Variants in TMX4 observed in about 807,000 individuals in gnomAD.
The protein encoded by TMX4 is thioredoxin-related transmembrane protein 4.
A neutral mutation model predicts 33.3 loss-of-function variants in TMX4; 23 were observed. The ratio of observed to expected loss-of-function variants is 0.69; its 90% CI spans 0.50 to 0.98. TMX4 has a LOEUF of 0.98. Ranked by LOEUF, TMX4 falls within the 50% of genes least tolerant of loss-of-function variation. TMX4 has a pLI of 0.00. For missense variants in TMX4, 399 were observed against 448.9 expected, an observed-to-expected ratio of 0.89 and a Z score of 1.01; for synonymous variants, 164 against 161.5, an observed-to-expected ratio of 1.02 and a Z score of -0.12.
chr20:8,011,497 G>A (rs750079344), intron 1 of TMX4, among the ~76,000 whole-genome samples: 1 of 151,612 alleles, frequency 6.6e-6, no homozygotes, highest in Non-Finnish European at 1.5e-5. Flanking sequence ...TCAATGCAAT[G>A]ACACATATAA....
intron 4 of TMX4, among the ~76,000 whole-genome samples, chr20:7,998,994 A>G (rs2050689939): frequency 6.6e-6 from 1 of 152,222 alleles, no homozygotes; most frequent in Non-Finnish European, 1.5e-5. Context: ...TGGCTAAATC[A>G]GTGCTCAAAT....
rs565342628 is a variant in TMX4, at chr20:7,980,419, G to C, written c.*1832C>G. ...GCAGGCCCCGCTCTGCTCTGATCGA[G>C]AAAAGCTTCCTGATGTCAGGGAGAT... is the stretch of plus-strand genomic sequence containing the variant. On this transcript the variant is annotated 3_prime_UTR_variant, in exon 8 of 8. Coordinates refer to ENST00000246024, the MANE Select transcript of TMX4 (RefSeq NM_021156.4). 7 of 152,324 alleles carry C rather than the reference G, an allele frequency of 4.6e-5. No homozygotes were observed. In the East Asian group the frequency reaches 1.4e-3, roughly 29 times the overall value. 9.4% of individuals were successfully genotyped at this position (152,324 alleles called of 1,614,324 possible).
Position 8,010,334 on chromosome 20 carries a change from A to C in TMX4, c.177-19T>G. The C allele has an allele frequency of 6.6e-7, 1 of 1,518,000 alleles. No homozygotes were observed. Among genetic ancestry groups the C allele is most frequent in the South Asian group, 1.2e-5 (1 of 82,578 alleles). The allele number at this position is 1,518,000 out of a possible 1,614,324, so 94.0% of individuals were successfully genotyped here. A position where few individuals can be genotyped will look rare whatever the true frequency, so the allele number is the denominator to read the frequency against. On this transcript the variant is annotated intron_variant, in intron 1 of 7. Coordinates refer to ENST00000246024, the MANE Select transcript of TMX4 (RefSeq NM_021156.4). ...GGCGTAACTATAAGAGAAGAATAAG[A>C]ATTATATTGATAAATATACAGAAGA...
At position 7,980,849 on chromosome 20, in the gene TMX4, T is replaced by C. The variant is rs2072050785; in HGVS notation, c.*1402A>G. The stretch of plus-strand genomic sequence containing the variant: ...CTCACAATTAATACAAGGAAAGGGT[T>C]ATCTAAACAGCCAGATAGAAATATA... On this transcript the variant is annotated 3_prime_UTR_variant, in exon 8 of 8. Coordinates refer to ENST00000246024, the MANE Select transcript of TMX4 (RefSeq NM_021156.4). 1 of 152,232 alleles carries C rather than the reference T, an allele frequency of 6.6e-6. No individual in the cohort carries two copies. Among genetic ancestry groups the C allele is most frequent in the African/African-American group, 2.4e-5 (1 of 41,464 alleles). 9.4% of individuals were successfully genotyped at this position (152,232 alleles called of 1,614,324 possible). A position where few individuals can be genotyped will look rare whatever the true frequency, so the allele number is the denominator to read the frequency against.
At chr20:8,006,953 G>C (rs934683944) in intron 2 of TMX4, among the ~76,000 whole-genome samples, 6 of 152,052 alleles carry the variant, frequency 3.9e-5, no homozygotes, top group Non-Finnish European at 7.4e-5. Context: ...TTTTAGTAGA[G>C]AAAAGGTTTC....
chr20:7,989,198 A>C (rs1341686907), intron 5 of TMX4, among the ~76,000 whole-genome samples: 1 of 152,162 alleles, frequency 6.6e-6, no homozygotes, highest in East Asian at 1.9e-4. Flanking sequence ...CGGAGGACTC[A>C]GTATCATCAA....
At position 8,019,478 on chromosome 20, in the gene TMX4, T is replaced by C; in HGVS notation, c.136A>G (p.Asn46Asp). 2 of 1,516,986 alleles carry C rather than the reference T, an allele frequency of 1.3e-6. No homozygotes were observed. The highest frequency in any genetic ancestry group is 2.5e-5 in the South Asian group (2 of 81,562). The allele number at this position is 1,516,986 out of a possible 1,614,324, so 94.0% of individuals were successfully genotyped here. A position where few individuals can be genotyped will look rare whatever the true frequency, so the allele number is the denominator to read the frequency against. Residue 46 changes from asparagine (N) to aspartate (D), a missense_variant, in exon 1 of 8, where the codon AAC (asparagine) becomes GAC (aspartate). Coordinates refer to ENST00000246024, the MANE Select transcript of TMX4 (RefSeq NM_021156.4). Reference sequence around the variant, plus strand: ...TCGCCCTCCATCACCAGCGTCCAGTTGGAGGCGGTCATGGGCTGGACCCGG... The same window carrying C: ...TCGCCCTCCATCACCAGCGTCCAGTCGGAGGCGGTCATGGGCTGGACCCGG... ...QSRVQPMTAS[N>D]WTLVMEGEWM...
At chr20:7,983,363 A>T (rs983451666) in intron 7 of TMX4, among the ~76,000 whole-genome samples, 8 of 152,240 alleles carry the variant, frequency 5.3e-5, no homozygotes, top group African/African-American at 1.9e-4. Flanking sequence ...TCTCAAAAAT[A>T]GTCTGGAATA....
chr20:7,997,545 C>G (rs1263192183), intron 4 of TMX4, among the ~76,000 whole-genome samples: 1 of 151,878 alleles, frequency 6.6e-6, no homozygotes, highest in Non-Finnish European at 1.5e-5. Context: ...ACTACAGACA[C>G]CCTTTCCCCT....
At position 7,996,183 on chromosome 20, in the gene TMX4, C is replaced by T. The variant is rs1422128188; in HGVS notation, c.468-112G>A. On this transcript the variant is annotated intron_variant, in intron 4 of 7. Coordinates refer to ENST00000246024, the MANE Select transcript of TMX4 (RefSeq NM_021156.4). Reference sequence around the variant, plus strand: ...CCTCCACTTCTTGCTAAATATTGCCCCCTCTCCCAGATTCATATCTGTTCT... The same window carrying T: ...CCTCCACTTCTTGCTAAATATTGCCTCCTCTCCCAGATTCATATCTGTTCT... 7.9e-6 allele frequency: 6 copies of T among 763,784 alleles called. No homozygotes were observed. In the African/African-American group the frequency reaches 1.1e-4, roughly 14 times the overall value. 47.3% of individuals were successfully genotyped at this position (763,784 alleles called of 1,614,324 possible).
Position 7,978,092 on chromosome 20 carries a change from T to C in TMX4, c.*4159A>G, listed in dbSNP as rs1232559084. The C allele has an allele frequency of 6.6e-6, 1 of 152,218 alleles. No individual in the cohort carries two copies. The highest frequency in any genetic ancestry group is 6.5e-5 in the Admixed American group (1 of 15,272). 9.4% of individuals were successfully genotyped at this position (152,218 alleles called of 1,614,324 possible). A position where few individuals can be genotyped will look rare whatever the true frequency, so the allele number is the denominator to read the frequency against. On this transcript the variant is annotated 3_prime_UTR_variant, in exon 8 of 8. Coordinates refer to ENST00000246024, the MANE Select transcript of TMX4 (RefSeq NM_021156.4). ...ACAAGAAGGAACTTTTCTGTTGGCATAAGAGATTTGAATGAATTCTTTCGA... is the reference window on the plus strand; with the variant it reads ...ACAAGAAGGAACTTTTCTGTTGGCACAAGAGATTTGAATGAATTCTTTCGA...
intron 7 of TMX4, among the ~76,000 whole-genome samples, chr20:7,982,982 T>A (rs1224164303): frequency 1.3e-5 from 2 of 152,214 alleles, no homozygotes; most frequent in East Asian, 3.9e-4. Flanking sequence ...ACAGAGGTTC[T>A]GGGCCAGAGT....
rs1568541306 is a variant in TMX4 at position 8,018,513 on chromosome 20, A to T, written c.176+925T>A. ...GAGAGAGAGAGAGAGAGAGAGAGAGAGAGAGAGAGAGAGAGTCTGCAAGCC... is the reference window on the plus strand; with the variant it reads ...GAGAGAGAGAGAGAGAGAGAGAGAGTGAGAGAGAGAGAGAGTCTGCAAGCC... On this transcript the variant is annotated intron_variant, in intron 1 of 7. Transcript: ENST00000246024. Among the ~76,000 whole-genome samples the T allele has an allele frequency of 3.4e-4, 16 of 46,450 alleles. 3 individuals are homozygous for T. The highest frequency in any genetic ancestry group is 7.6e-4 in the African/African-American group (3 of 3,940). The allele number at this position is 46,450 out of a possible 152,430, so 30.5% of individuals were successfully genotyped here. A position where few individuals can be genotyped will look rare whatever the true frequency, so the allele number is the denominator to read the frequency against.
intron 5 of TMX4, among the ~76,000 whole-genome samples, chr20:7,989,244 T>C (rs552776883): frequency 1.3e-5 from 2 of 152,158 alleles, no homozygotes; most frequent in Non-Finnish European, 2.9e-5. Context: ...AATTAGAAGA[T>C]GGTCAAAGTC....
chr20:7,994,548 C>G (rs1023874078), intron 5 of TMX4, among the ~76,000 whole-genome samples: 1 of 152,186 alleles, frequency 6.6e-6, no homozygotes, highest in Non-Finnish European at 1.5e-5. Context: ...ATCTTCCCTG[C>G]TATCGTCTTT....
rs1226409019 is a variant in TMX4 at position 8,018,408 on chromosome 20, G to C, written c.176+1030C>G. ...AGAGAGAGAGGGAGGGAGGGAGGGA[G>C]AGAGAGAGAGAGAGAAGAGAGAGAG... On this transcript the variant is annotated intron_variant, in intron 1 of 7. Coordinates refer to ENST00000246024, the MANE Select transcript of TMX4 (RefSeq NM_021156.4). 2.7e-3 allele frequency among the ~76,000 whole-genome samples: 149 copies of C among 55,516 alleles called. 7 individuals carry two copies. The highest frequency in any genetic ancestry group is 0.013 in the African/African-American group (140 of 10,690). 36.4% of individuals were successfully genotyped at this position (55,516 alleles called of 152,430 possible). A position where few individuals can be genotyped will look rare whatever the true frequency, so the allele number is the denominator to read the frequency against.
intron 4 of TMX4, among the ~76,000 whole-genome samples, chr20:7,996,330 ATGT>A (rs1395067867): frequency 2.0e-5 from 3 of 152,260 alleles, no homozygotes; most frequent in Non-Finnish European, 2.9e-5. Context: ...GAGCAGCTGA[ATGT>A]CTCCAGGGAA....
chr20:7,983,286 CAT>C (rs1235832675), intron 7 of TMX4, among the ~76,000 whole-genome samples: 10 of 152,130 alleles, frequency 6.6e-5, no homozygotes, highest in African/African-American at 2.4e-4. Context: ...TAAAAAGAAA[CAT>C]GAGCTTATTT....
chr20:8,000,190 T>C (rs2050698649), intron 3 of TMX4, among the ~76,000 whole-genome samples: 1 of 152,172 alleles, frequency 6.6e-6, no homozygotes, highest in Admixed American at 6.5e-5. Context: ...AAACAGCCAT[T>C]GTTATCAAGT....
Sources: allele counts gnomAD v4.1 joint callset (sites outside exome capture counted in the v4.1 genomes callset), GRCh38; gene constraint gnomAD v4.1.1; transcripts MANE v1.5; gene names NCBI Gene and HGNC (gene_info 2026-07-23, HGNC 2026-07-21).